The following SAMD4B variants were observed in gnomAD, a reference collection of about 807,000 sequenced individuals.
SAMD4B encodes sterile alpha motif domain containing 4B.
Under a neutral mutation model 74.5 loss-of-function variants are expected in SAMD4B, and 5 were observed. That is an observed-to-expected ratio of 0.07 (90% CI 0.04 to 0.14). SAMD4B has a LOEUF of 0.14. SAMD4B is among the 10% of genes least tolerant of loss of function. The pLI is 1.00. For missense variants in SAMD4B, 608 were observed against 921.8 expected (o/e 0.66, Z 4.41); for synonymous variants, 373 against 374.9 (o/e 1.00, Z 0.06).
In SAMD4B at chr19:39,376,505, G is replaced by A. The variant is rs1568362940; in HGVS notation, c.976G>A (p.Glu326Lys). The A allele has an allele frequency of 6.2e-7, 1 of 1,613,588 alleles. No homozygotes were observed. The highest frequency in any genetic ancestry group is 8.5e-7 in the Non-Finnish European group (1 of 1,180,016). ...AGCCCTCTTCTCACAGATGAGCTAC[G>A]AGGAGATGATGACACTGACTGAGCA... Reference protein sequence around the residue: ...YAALFSQMSYEEMMTLTEQHL... With the variant: ...YAALFSQMSYKEMMTLTEQHL... Residue 326 changes from glutamate to lysine, a missense_variant, in exon 6 of 14, where the codon GAG becomes AAG. Glu to Lys is a moderately conservative substitution (Grantham distance 56). Around this residue, in one of 9 missense-constraint regions of SAMD4B, gnomAD observed 39 missense variants for 125.3 expected, o/e 0.31. Coordinates refer to ENST00000610417, the MANE Select transcript of SAMD4B (RefSeq NM_001384574.2).
intron 9 of SAMD4B, among the ~76,000 whole-genome samples, chr19:39,379,388 C>G (rs142662941): frequency 6.6e-6 from 1 of 152,170 alleles, no homozygotes; most frequent in African/African-American, 2.4e-5. Flanking sequence ...TCAGGGACAC[C>G]TTTACCAACC....
chr19:39,387,711 TCATTTAAAA>T (rs1196100563), downstream of SAMD4B, among the ~76,000 whole-genome samples: 2 of 152,244 alleles, frequency 1.3e-5, no homozygotes, highest in Non-Finnish European at 2.9e-5. Context: ...TTTAAGCATT[TCATTTAAAA>T]CATTCATGCT....
chr19:39,372,108 A>G (rs1187290809), intron 4 of SAMD4B, among the ~76,000 whole-genome samples: 1 of 152,190 alleles, frequency 6.6e-6, no homozygotes, highest in Non-Finnish European at 1.5e-5. Context: ...TGAAGATTGA[A>G]CAATGTTGAT....
At chr19:39,355,986 G>T (rs1444466346) in intron 2 of SAMD4B, among the ~76,000 whole-genome samples, 1 of 152,178 alleles carries the variant, frequency 6.6e-6, no homozygotes, top group East Asian at 1.9e-4. Flanking sequence ...TCAGAGTTGT[G>T]CCTTTTCCAG....
downstream of SAMD4B, chr19:39,386,397 T>G (rs1462439449): frequency 3.2e-5 from 52 of 1,613,968 alleles, 1 homozygote; most frequent in Admixed American, 8.7e-4. The surrounding 1 kb of genome is among the most constrained non-coding windows in gnomAD (Gnocchi z 6.1). Context: ...CTTCTCCTGC[T>G]CCTCATCTGG....
intron 1 of SAMD4B, among the ~76,000 whole-genome samples, chr19:39,343,613 C>G: frequency 6.6e-6 from 1 of 151,808 alleles, no homozygotes; most frequent in East Asian, 1.9e-4. Context: ...TAGAGATCAC[C>G]CTCATGTAGC....
intron 1 of SAMD4B, chr19:39,351,836 G>A (rs573150611): frequency 6.6e-6 from 1 of 152,288 alleles, no homozygotes; most frequent in South Asian, 2.1e-4. Flanking sequence ...CAAAAATCCA[G>A]AGAGGACTAT....
rs971321214 is a variant in SAMD4B, at chr19:39,377,655, T to C, written c.1275T>C (p.Pro425=). Residue 425 remains proline (P), a synonymous_variant, in exon 8 of 14, where the codon CCT becomes CCC. Coordinates refer to ENST00000610417, the MANE Select transcript of SAMD4B (RefSeq NM_001384574.2). ...PGEPPLPGAE[P]PLAHPGTDKG... ...AACCACCGCTGCCAGGTGCTGAGCC[T>C]CCCCTAGCCCACCCCGGCACAGACA... 1.9e-6 allele frequency: 3 copies of C among 1,613,788 alleles called. No individual in the cohort carries two copies. In the African/African-American group the frequency reaches 4.0e-5, roughly 22 times the overall value.
intron 4 of SAMD4B, among the ~76,000 whole-genome samples, chr19:39,371,361 T>C (rs1218028429): frequency 6.6e-6 from 1 of 152,044 alleles, no homozygotes; most frequent in East Asian, 1.9e-4. Flanking sequence ...TCCATCTGCC[T>C]CCCTCCCAGT....
intron 12 of SAMD4B, among the ~76,000 whole-genome samples, chr19:39,381,835 G>A (rs1181900789): frequency 6.6e-6 from 1 of 152,230 alleles, no homozygotes; most frequent in African/African-American, 2.4e-5. Flanking sequence ...GGGAGGGTGA[G>A]GCAGGAGGAT....
chr19:39,357,437 C>T (rs576510675), intron 3 of SAMD4B, among the ~76,000 whole-genome samples: 5 of 152,288 alleles, frequency 3.3e-5, no homozygotes, highest in Admixed American at 2.0e-4. Flanking sequence ...TCTTAAGCTT[C>T]AGGATATCAG....
At chr19:39,370,150 G>A (rs769015629) in intron 4 of SAMD4B, 25 bp downstream of exon 4, 27 of 1,554,008 alleles carry the variant, frequency 1.7e-5, no homozygotes, top group Non-Finnish European at 2.4e-5. Flanking sequence ...TGTCCCAGAA[G>A]GCCATGCCTA....
intron 7 of SAMD4B, 55 bp from the exon 8 acceptor site, chr19:39,377,430 T>A (rs2077667845): frequency 7.1e-7 from 1 of 1,417,386 alleles, no homozygotes; most frequent in South Asian, 1.4e-5. Context: ...GTAGATACTC[T>A]CTGTCCCTCA....
At chr19:39,364,257 C>G (rs1026056440) in intron 3 of SAMD4B, among the ~76,000 whole-genome samples, 8 of 152,202 alleles carry the variant, frequency 5.3e-5, no homozygotes, top group Non-Finnish European at 7.3e-5. Context: ...AAGGACTAGA[C>G]AAGGCTTCTC....
intron 10 of SAMD4B, 49 bp downstream of exon 10, chr19:39,380,133 T>C: frequency 7.0e-7 from 1 of 1,429,384 alleles, no homozygotes; most frequent in Non-Finnish European, 9.8e-7. Context: ...AGGCCTTTGC[T>C]GGTTAGCAGA....
At chr19:39,345,120 G>A (rs184589437) in intron 1 of SAMD4B, among the ~76,000 whole-genome samples, 1 of 152,262 alleles carries the variant, frequency 6.6e-6, no homozygotes, top group East Asian at 1.9e-4. Context: ...AAACCCTCCT[G>A]GTCATTTTGA....
chr19:39,360,199 TAAAA>T (rs899169100), intron 3 of SAMD4B: 1 of 150,442 alleles, frequency 6.6e-6, no homozygotes, highest in Non-Finnish European at 1.5e-5. Context: ...AAAAAAAAAA[TAAAA>T]AAATAAAATA....
At chr19:39,379,152 T>G (rs529621408) in intron 9 of SAMD4B, among the ~76,000 whole-genome samples, 3 of 151,898 alleles carry the variant, frequency 2.0e-5, no homozygotes, top group Admixed American at 6.5e-5. Context: ...CCTCCCAAAG[T>G]GCTGAGATTA....
intron 4 of SAMD4B, among the ~76,000 whole-genome samples, chr19:39,373,835 G>C (rs1184122763): frequency 6.6e-6 from 1 of 152,022 alleles, no homozygotes; most frequent in Non-Finnish European, 1.5e-5. Context: ...GTGGTGGTGG[G>C]TGCCTGTAAT....
Sources: gnomAD v4.1 joint callset for allele counts (sites outside exome capture counted in the v4.1 genomes callset) on GRCh38, gnomAD v4.1.1 for gene constraint, gnomAD v4.1.1 regional missense constraint, Gnocchi (gnomAD v3.1) non-coding constraint, MANE v1.5 for transcripts, NCBI Gene and HGNC (gene_info 2026-07-23, HGNC 2026-07-21) for gene names.